The following SF3B3 variants were observed in gnomAD, a reference collection of about 807,000 sequenced individuals.
The protein encoded by SF3B3 is splicing factor 3b subunit 3, also known as SAP 130.
In SF3B3, 33 loss-of-function variants were observed where a neutral mutation model predicts 139.2. That is an observed-to-expected ratio of 0.24 (90% CI 0.18 to 0.32). The LOEUF (loss-of-function observed/expected upper bound fraction) is 0.32. SF3B3 is among the 10% of genes least tolerant of loss of function. The probability of loss-of-function intolerance (pLI) is 1.00; values close to 1 mark genes in which losing one functional copy is unlikely to be tolerated. For synonymous variants in SF3B3, 596 were observed against 563.6 expected (o/e 1.06, Z -0.81); for missense variants, 818 against 1,509.4 (o/e 0.54, Z 7.59).
chr16:70,528,991 G>A lies in SF3B3; in HGVS notation c.189G>A (p.Arg63=), dbSNP rs377461189. 1.5e-5 allele frequency: 24 copies of A among 1,614,016 alleles called. No individual in the cohort carries two copies. In the African/African-American group the frequency reaches 3.1e-4, roughly 21 times the overall value. Residue 63 remains arginine (R), a synonymous_variant, in exon 3 of 26, where the codon CGG becomes CGA. Transcript: ENST00000302516. Reference sequence around the variant, plus strand: ...CTGTGGAAGTATTCGGTGTTATCCGGTCACTCATGGCCTTTAGGCTGACAG... The same window carrying A: ...CTGTGGAAGTATTCGGTGTTATCCGATCACTCATGGCCTTTAGGCTGACAG... ...LLTVEVFGVI[R]SLMAFRLTGG...
At chr16:70,570,202 C>G in intron 24 of SF3B3, 53 bp downstream of exon 24, 1 of 1,566,638 alleles carries the variant, frequency 6.4e-7, no homozygotes, top group Non-Finnish European at 8.8e-7. Flanking sequence ...TTTCTTGGTG[C>G]TGGATCTACC....
chr16:70,526,364 T>C (rs1390657393), intron 1 of SF3B3, among the ~76,000 whole-genome samples: 1 of 152,038 alleles, frequency 6.6e-6, no homozygotes, highest in African/African-American at 2.4e-5. Flanking sequence ...CACAGCACCA[T>C]GCCCAGCTAA....
rs1310702944 is a variant in SF3B3 at position 70,576,630 on chromosome 16, TG to T, written c.*4821del. ...GCCTCCAGCTGTTATGAGGACACACTGGGGAATCTCAGCTTTAGGGAGTCGA... is the reference window on the plus strand; with the variant it reads ...GCCTCCAGCTGTTATGAGGACACACTGGGAATCTCAGCTTTAGGGAGTCGA... On this transcript the variant is annotated 3_prime_UTR_variant, in exon 26 of 26. Coordinates refer to ENST00000302516, the MANE Select transcript of SF3B3 (RefSeq NM_012426.5). 6.6e-6 allele frequency: 1 copy of T among 152,188 alleles called. No homozygotes were observed. Among genetic ancestry groups the T allele is most frequent in the Non-Finnish European group, 1.5e-5 (1 of 68,044 alleles). The allele number at this position is 152,188 out of a possible 1,614,324, so 9.4% of individuals were successfully genotyped here. A position where few individuals can be genotyped will look rare whatever the true frequency, so the allele number is the denominator to read the frequency against.
intron 7 of SF3B3, 58 bp from the exon 8 acceptor site, chr16:70,539,046 T>TA (rs2050194583): frequency 1.6e-6 from 2 of 1,231,786 alleles, no homozygotes; most frequent in Non-Finnish European, 2.4e-6. Flanking sequence ...TGTGCTGTCT[T>TA]ATAATACGGG....
chr16:70,555,307 GTC>G, intron 13 of SF3B3, 101 bp downstream of exon 13: 1 of 1,149,324 alleles, frequency 8.7e-7, no homozygotes, highest in Non-Finnish European at 1.3e-6. Context: ...GTGAAATCCT[GTC>G]TCTACTAAAA....
chr16:70,539,539 ACT>A (rs936755415), intron 8 of SF3B3, among the ~76,000 whole-genome samples: 5 of 134,430 alleles, frequency 3.7e-5, no homozygotes, highest in South Asian at 3.2e-4. Flanking sequence ...CAAGAGCGAA[ACT>A]CTCTCTCAAA....
intron 15 of SF3B3, among the ~76,000 whole-genome samples, chr16:70,559,770 T>C (rs2151791115): frequency 6.8e-6 from 1 of 146,686 alleles, no homozygotes; most frequent in Non-Finnish European, 1.5e-5. Flanking sequence ...GAAAACTCCT[T>C]TTTTTTTTTT....
At chr16:70,570,573 G>A (rs1162577136) in intron 24 of SF3B3, among the ~76,000 whole-genome samples, 3 of 151,878 alleles carry the variant, frequency 2.0e-5, no homozygotes, top group Non-Finnish European at 2.9e-5. Context: ...CTTGTGATCC[G>A]CCTGCCTCAG....
intron 15 of SF3B3, 32 bp from the exon 16 acceptor site, chr16:70,560,437 C>A (rs2050418474): frequency 6.2e-7 from 1 of 1,606,196 alleles, no homozygotes; most frequent in Non-Finnish European, 8.5e-7. Context: ...AAGCTTCCAT[C>A]AGGCTTCACC....
chr16:70,534,932 C>T (rs2050152557), intron 5 of SF3B3, among the ~76,000 whole-genome samples: 1 of 152,170 alleles, frequency 6.6e-6, no homozygotes, highest in South Asian at 2.1e-4. Context: ...TCCCAAAGTG[C>T]TGGGATTACA....
intron 10 of SF3B3, among the ~76,000 whole-genome samples, chr16:70,545,511 G>A (rs567764865): frequency 4.6e-5 from 7 of 152,120 alleles, no homozygotes; most frequent in African/African-American, 9.7e-5. Context: ...TCTGTGTATC[G>A]TAGTCCTAAT....
intron 17 of SF3B3, among the ~76,000 whole-genome samples, chr16:70,562,265 G>C (rs1291435171): frequency 6.6e-6 from 1 of 152,164 alleles, no homozygotes; most frequent in Non-Finnish European, 1.5e-5. Flanking sequence ...TTGCAAGATG[G>C]AAAAGAACCT....
rs972137360 is a variant in SF3B3, at chr16:70,544,599, G to T, written c.1329+66G>T. The T allele has an allele frequency of 3.6e-5, 32 of 898,312 alleles. No homozygotes were observed. The Admixed American group carries it at 5.2e-4, about 15-fold the overall frequency. The allele number at this position is 898,312 out of a possible 1,614,324, so 55.6% of individuals were successfully genotyped here. On this transcript the variant is annotated intron_variant, in intron 10 of 25. Coordinates refer to ENST00000302516, the MANE Select transcript of SF3B3 (RefSeq NM_012426.5). The stretch of plus-strand genomic sequence containing the variant: ...GAAGCACTGACAAAGTAGTTTATGG[G>T]TTTACTCTGATGTTGTCAAAGACAT...
intron 7 of SF3B3, 34 bp from the exon 8 acceptor site, chr16:70,539,070 T>C: frequency 6.8e-7 from 1 of 1,474,038 alleles, no homozygotes; most frequent in Non-Finnish European, 9.5e-7. Flanking sequence ...CACTTCACTT[T>C]GTTTGTACAC....
rs2050221356 is a variant in SF3B3, at chr16:70,541,854, CCCTT to C, written c.1233+23_1233+26del. On this transcript the variant is annotated intron_variant, in intron 9 of 25. Transcript: ENST00000302516. The stretch of plus-strand genomic sequence containing the variant: ...TGCCAGGTTGGTGGGCCTTTCCAGC[CCCTT>C]CCACAATAGATCTAAAGTTAAACTG... 1 of 1,605,438 alleles carries C rather than the reference CCCTT, an allele frequency of 6.2e-7. No homozygotes were observed. Among genetic ancestry groups the C allele is most frequent in the African/African-American group, 1.3e-5 (1 of 74,590 alleles).
intron 23 of SF3B3, 95 bp from the exon 24 acceptor site, chr16:70,569,911 T>A (rs2050512293): frequency 7.3e-7 from 1 of 1,370,504 alleles, no homozygotes; most frequent in African/African-American, 1.4e-5. Flanking sequence ...TGTTAATAGA[T>A]GATGAAATGT....
Position 70,560,594 on chromosome 16 carries a change from A to AAGTAATG in SF3B3, c.2133+5_2133+11dup. ...TCCGAATGCAAGGCCAGGAGGCAGT[A>AAGTAATG]AGTAATGAAGGTTGGGGACAGGCAA... On this transcript the variant is annotated splice_donor_region_variant and intron_variant, in intron 16 of 25. Coordinates refer to ENST00000302516, the MANE Select transcript of SF3B3 (RefSeq NM_012426.5). 6.2e-7 allele frequency: 1 copy of AAGTAATG among 1,612,998 alleles called. No homozygotes were observed. The highest frequency in any genetic ancestry group is 8.5e-7 in the Non-Finnish European group (1 of 1,179,212).
chr16:70,530,672 G>C (rs963629542), intron 3 of SF3B3, 73 bp from the exon 4 acceptor site: 1 of 1,216,224 alleles, frequency 8.2e-7, no homozygotes, highest in Non-Finnish European at 1.2e-6. Context: ...AGCATGATGT[G>C]ACTCTAGCTG....
intron 13 of SF3B3, among the ~76,000 whole-genome samples, chr16:70,555,544 C>G (rs374889293): frequency 6.7e-6 from 1 of 148,840 alleles, no homozygotes; most frequent in East Asian, 2.0e-4. Flanking sequence ...TGGTCCCTTA[C>G]AGAGATGGGG....
Sources: gnomAD v4.1 joint callset for allele counts (sites outside exome capture counted in the v4.1 genomes callset) on GRCh38, gnomAD v4.1.1 for gene constraint, MANE v1.5 for transcripts, NCBI Gene and HGNC (gene_info 2026-07-23, HGNC 2026-07-21) for gene names.